Variants in GABBR1 observed in about 807,000 individuals in gnomAD.
GABBR1 encodes gamma-aminobutyric acid type B receptor subunit 1.
A neutral mutation model predicts 117.7 loss-of-function variants in GABBR1; 35 were observed. That is an observed-to-expected ratio of 0.30 (90% CI 0.23 to 0.39). The LOEUF (loss-of-function observed/expected upper bound fraction) is 0.39. Ranked by LOEUF, GABBR1 falls within the 10% of genes least tolerant of loss-of-function variation. The pLI, the probability that GABBR1 is intolerant of heterozygous loss-of-function variation, is 1.00. For synonymous variants in GABBR1, 442 were observed against 486.6 expected, an observed-to-expected ratio of 0.91 and a Z score of 1.21; for missense variants, 709 against 1,241.8, an observed-to-expected ratio of 0.57 and a Z score of 6.45.
At chr6:29,610,843 T>C (rs759755808) in intron 14 of GABBR1, 81 bp downstream of exon 14, 421 of 1,219,116 alleles carry the variant, frequency 3.5e-4, no homozygotes, top group Non-Finnish European at 4.5e-4. Context: ...GTCTCTACCA[T>C]TCCATCCTCA....
Position 29,603,606 on chromosome 6 carries a change from TC to T in GABBR1, c.2822del (p.Gly941AspfsTer230). The part of the protein sequence containing the change: ...PPEPSGGLPR[G>X]PPEPPDRLSC... ...TAAGCCGGTCGGGGGGCTCAGGGGG[TC>T]CCCTGGGCAGGCCCCCAGAGGGTTC... On this transcript the variant is annotated frameshift_variant, in exon 23 of 23. Coordinates refer to ENST00000377034, the MANE Select transcript of GABBR1 (RefSeq NM_001470.4). LOFTEE classifies it high-confidence loss of function. The T allele has an allele frequency of 1.3e-6, 2 of 1,575,042 alleles. No individual in the cohort carries two copies. The highest frequency in any genetic ancestry group is 8.6e-7 in the Non-Finnish European group (1 of 1,164,740).
Position 29,631,316 on chromosome 6 carries a change from G to A in GABBR1, c.289+80C>T, listed in dbSNP as rs561620330. The stretch of plus-strand genomic sequence containing the variant: ...TTTGGTATACTGGATTTAAAGTGCT[G>A]ACTTGCAAGCAGTAATGCTAAGTTT... On this transcript the variant is annotated intron_variant, in intron 3 of 22. Transcript: ENST00000377034. The surrounding 1 kb of genome is among the most constrained non-coding windows in gnomAD (Gnocchi z 5.9). 31 of 1,374,574 alleles carry A rather than the reference G, an allele frequency of 2.3e-5. No homozygotes were observed. Among genetic ancestry groups the A allele is most frequent in the Non-Finnish European group, 5.1e-6 (5 of 973,254 alleles). The allele number at this position is 1,374,574 out of a possible 1,614,324, so 85.1% of individuals were successfully genotyped here.
At chr6:29,603,824 AAATGTAGG>A in intron 22 of GABBR1, 108 bp from the exon 23 acceptor site, 1 of 761,888 alleles carries the variant, frequency 1.3e-6, no homozygotes, top group Non-Finnish European at 1.9e-6. Context: ...GGGCACAGAA[AAATGTAGG>A]GGGAGGACGT....
At position 29,623,009 on chromosome 6, in the gene GABBR1, C is replaced by T. The variant is rs1763916715; in HGVS notation, c.963+296G>A. ...CTCATCTTCGCTCCCATCTCTTGCC[C>T]CCACTTTGGATTGAACCTACTTTAA... On this transcript the variant is annotated intron_variant, in intron 8 of 22. Transcript: ENST00000377034. The surrounding 1 kb of genome is among the most constrained non-coding windows in gnomAD (Gnocchi z 6.2). 6.6e-6 allele frequency among the ~76,000 whole-genome samples: 1 copy of T among 152,016 alleles called. No homozygotes were observed. Among genetic ancestry groups the T allele is most frequent in the South Asian group, 2.1e-4 (1 of 4,820 alleles).
intron 22 of GABBR1, 52 bp from the exon 23 acceptor site, chr6:29,603,768 A>G (rs2076483): frequency 0.12 from 159,451 of 1,329,444 alleles, 11,242 homozygotes; most frequent in South Asian, 0.27. Context: ...GTGATGAAGG[A>G]GTGGGGAGGA....
intron 6 of GABBR1, among the ~76,000 whole-genome samples, chr6:29,624,828 C>A (rs976794384): frequency 1.3e-5 from 2 of 151,878 alleles, no homozygotes; most frequent in African/African-American, 4.8e-5. Context: ...GGAGGAAGAG[C>A]CAGCCTTGGG....
chr6:29,617,522 G>C (rs1763274499), intron 11 of GABBR1, among the ~76,000 whole-genome samples: 1 of 152,032 alleles, frequency 6.6e-6, no homozygotes, highest in Non-Finnish European at 1.5e-5. Context: ...GGCTGGTCTT[G>C]AACTCCTGGC....
Position 29,629,106 on chromosome 6 carries a change from C to G in GABBR1, c.477G>C (p.Val159=). 6.2e-7 allele frequency: 1 copy of G among 1,612,962 alleles called. No homozygotes were observed. Among genetic ancestry groups the G allele is most frequent in the Non-Finnish European group, 8.5e-7 (1 of 1,180,020 alleles). ...TCTCACCTGAGTGTGGCGTTCGATT[C>G]ACTGGCAGCAGGAAAGACGGGGATC... is the stretch of plus-strand genomic sequence containing the variant. ...QWSTPKPHCQ[V]NRTPHSERRA... is the part of the protein sequence containing the mutation. The change falls in exon 5 of 23, where the codon GTG becomes GTC. Residue 159 remains valine (V), a splice_region_variant and synonymous_variant. Coordinates refer to ENST00000377034, the MANE Select transcript of GABBR1 (RefSeq NM_001470.4).
At chr6:29,624,251 C>T (rs1764048772) in intron 6 of GABBR1, 1 of 454,226 alleles carries the variant, frequency 2.2e-6, no homozygotes, top group African/African-American at 2.0e-5. Context: ...TACCCATCAC[C>T]TCTCCTGCAC....
In GABBR1 at chr6:29,613,426, T is replaced by G. The variant is rs2127410688; in HGVS notation, c.1383A>C (p.Thr461=). ...CCAGCGGTGCCTCCTGGAAGCCTCC[T>G]GTCTCCTCAGGGTGTCTTTTCAGTC... is the stretch of plus-strand genomic sequence containing the variant. The part of the protein sequence containing the change: ...TKRLKRHPEE[T]GGFQEAPLAY... The change falls in exon 12 of 23, where the codon ACA becomes ACC. Residue 461 remains threonine (T), a synonymous_variant. Transcript: ENST00000377034. The surrounding 1 kb of genome is among the most constrained non-coding windows in gnomAD (Gnocchi z 4.1). 4 of 1,613,130 alleles carry G rather than the reference T, an allele frequency of 2.5e-6. No homozygotes were observed. Among genetic ancestry groups the G allele is most frequent in the Non-Finnish European group, 3.4e-6 (4 of 1,180,034 alleles).
rs1391825381 is a variant in GABBR1, at chr6:29,603,080, T to G, written c.*463A>C. The stretch of plus-strand genomic sequence containing the variant: ...AGAAAGTATAGAAGGGCAAGTAAGA[T>G]GGAAAGAGATTATGACAGTGGAGAA... On this transcript the variant is annotated 3_prime_UTR_variant, in exon 23 of 23. Transcript: ENST00000377034. 6.6e-6 allele frequency: 3 copies of G among 457,658 alleles called. No individual in the cohort carries two copies. Among genetic ancestry groups the G allele is most frequent in the African/African-American group, 6.0e-5 (3 of 50,024 alleles). The allele number at this position is 457,658 out of a possible 1,614,324, so 28.3% of individuals were successfully genotyped here.
At chr6:29,624,075 T>C in intron 6 of GABBR1, 51 bp from the exon 7 acceptor site, 3 of 1,520,266 alleles carry the variant, frequency 2.0e-6, no homozygotes, top group Non-Finnish European at 1.8e-6. Flanking sequence ...CCCTCCCCTG[T>C]CTGCAATTCC....
chr6:29,632,269 G>A lies in GABBR1; in HGVS notation c.85+32C>T, dbSNP rs1347260600. 1.2e-5 allele frequency: 15 copies of A among 1,282,784 alleles called. No individual in the cohort carries two copies. Among genetic ancestry groups the A allele is most frequent in the Non-Finnish European group, 1.4e-5 (14 of 972,510 alleles). The allele number at this position is 1,282,784 out of a possible 1,614,324, so 79.5% of individuals were successfully genotyped here. On this transcript the variant is annotated intron_variant, in intron 2 of 22. Transcript: ENST00000377034. The surrounding 1 kb of genome is among the most constrained non-coding windows in gnomAD (Gnocchi z 5.8). ...TGCAGGGAAAGGGAAGTGGAGCGAAGGAGGGCCGGAGGTCGTCGAAGAAGG... is the reference window on the plus strand; with the variant it reads ...TGCAGGGAAAGGGAAGTGGAGCGAAAGAGGGCCGGAGGTCGTCGAAGAAGG...
chr6:29,621,892 C>T lies in GABBR1; in HGVS notation c.1066-75G>A, dbSNP rs193000728. On this transcript the variant is annotated intron_variant, in intron 9 of 22. Transcript: ENST00000377034. The surrounding 1 kb of genome is among the most constrained non-coding windows in gnomAD (Gnocchi z 5.0). ...GGGGCTAAGCCAGATGTCTTCACAG[C>T]TTTGATTTCCCATCCCAAAGTGCTT... is the stretch of plus-strand genomic sequence containing the variant. 435 of 1,450,404 alleles carry T rather than the reference C, an allele frequency of 3.0e-4. 7 individuals carry two copies. In the East Asian group the frequency reaches 9.4e-3, roughly 31 times the overall value. The allele number at this position is 1,450,404 out of a possible 1,614,324, so 89.8% of individuals were successfully genotyped here.
chr6:29,605,951 G>T lies in GABBR1; in HGVS notation c.2312-255C>A, dbSNP rs1444175682. The T allele has an allele frequency of 2.8e-5, 16 of 572,048 alleles. No individual in the cohort carries two copies. 35.4% of individuals were successfully genotyped at this position (572,048 alleles called of 1,614,324 possible). A position where few individuals can be genotyped will look rare whatever the true frequency, so the allele number is the denominator to read the frequency against. On this transcript the variant is annotated intron_variant, in intron 19 of 22. Coordinates refer to ENST00000377034, the MANE Select transcript of GABBR1 (RefSeq NM_001470.4). The surrounding 1 kb of genome is among the most constrained non-coding windows in gnomAD (Gnocchi z 4.2). ...GGCAAGCTGCTGTCAGTCAGGCAAG[G>T]GCTTGTTGAATATCTAGAAATAGGC...
At position 29,623,404 on chromosome 6, in the gene GABBR1, T is replaced by A; in HGVS notation, c.864A>T (p.Pro288=). The change falls in exon 8 of 23, where the codon CCA becomes CCT. Residue 288 remains proline, a synonymous_variant. Coordinates refer to ENST00000377034, the MANE Select transcript of GABBR1 (RefSeq NM_001470.4). The surrounding 1 kb of genome is among the most constrained non-coding windows in gnomAD (Gnocchi z 6.2). ...GGGTAGGGTTGTGGAGTGTGGCTGA[T>A]GGGTGCGTTCGGAAGAAAGTGGGGA... ...QRFPTFFRTH[P]SATLHNPTRV... 1 of 1,614,132 alleles carries A rather than the reference T, an allele frequency of 6.2e-7. No homozygotes were observed. The highest frequency in any genetic ancestry group is 8.5e-7 in the Non-Finnish European group (1 of 1,180,016).
chr6:29,609,639 T>C lies in GABBR1; in HGVS notation c.1709-260A>G, dbSNP rs1460025181. ...GGTCTATCCATAGGTTGGGAAATGC[T>C]GAGGCATGTCCCCAAAGTTGTAGTC... On this transcript the variant is annotated intron_variant, in intron 14 of 22. Transcript: ENST00000377034. The surrounding 1 kb of genome is among the most constrained non-coding windows in gnomAD (Gnocchi z 4.3). Among the ~76,000 whole-genome samples, 1 of 152,218 alleles carries C rather than the reference T, an allele frequency of 6.6e-6. No individual in the cohort carries two copies. The highest frequency in any genetic ancestry group is 1.5e-5 in the Non-Finnish European group (1 of 68,032).
chr6:29,621,745 A>C lies in GABBR1; in HGVS notation c.1131+7T>G, dbSNP rs761060896. On this transcript the variant is annotated splice_region_variant and intron_variant, in intron 10 of 22. Transcript: ENST00000377034. This position sits in a 1 kb window ranked among gnomAD's most constrained non-coding sequence, Gnocchi z 5.0. ...CAGTGCCCCTCCCTCTTCAGATCCA[A>C]CTCCACCTCACAAAAAACTTTCCGG... is the stretch of plus-strand genomic sequence containing the variant. 1.2e-6 allele frequency: 2 copies of C among 1,613,824 alleles called. No homozygotes were observed. The highest frequency in any genetic ancestry group is 1.7e-6 in the Non-Finnish European group (2 of 1,179,796).
At chr6:29,610,526 T>A (rs1230299596) in intron 14 of GABBR1, among the ~76,000 whole-genome samples, 1 of 152,026 alleles carries the variant, frequency 6.6e-6, no homozygotes, top group African/African-American at 2.4e-5. Context: ...TCCTCCATAG[T>A]TTAAGCAACC....
Sources: allele counts gnomAD v4.1 joint callset (sites outside exome capture counted in the v4.1 genomes callset), GRCh38; gene constraint gnomAD v4.1.1; non-coding constraint Gnocchi (gnomAD v3.1); transcripts MANE v1.5; gene names NCBI Gene and HGNC (gene_info 2026-07-23, HGNC 2026-07-21).